Variants in TSPAN18 observed in about 807,000 individuals in gnomAD.
The protein encoded by TSPAN18 is tetraspanin-18.
Under a neutral mutation model 27.3 loss-of-function variants are expected in TSPAN18, and 14 were observed. That is an observed-to-expected ratio of 0.51 (90% confidence interval 0.34 to 0.80). TSPAN18 has a LOEUF of 0.80. Ranked by LOEUF, TSPAN18 falls within the 30% of genes least tolerant of loss-of-function variation. The pLI, the probability that TSPAN18 is intolerant of heterozygous loss-of-function variation, is 0.01. For missense variants in TSPAN18, 268 were observed against 323.9 expected, an observed-to-expected ratio of 0.83 and a Z score of 1.32; for synonymous variants, 143 against 136.5, an observed-to-expected ratio of 1.05 and a Z score of -0.33.
chr11:44,887,265 G>C (rs919336247), intron 3 of TSPAN18, among the ~76,000 whole-genome samples: 1 of 152,176 alleles, frequency 6.6e-6, no homozygotes, highest in Non-Finnish European at 1.5e-5. Context: ...CTGTAAGATG[G>C]GGGTGGCAAT....
rs140760751 is a variant in TSPAN18, at chr11:44,776,211, G to A, written c.-153+11699G>A. On this transcript the variant is annotated intron_variant, in intron 2 of 9. Coordinates refer to ENST00000520358, the MANE Select transcript of TSPAN18 (RefSeq NM_130783.5). ...TCTATCTGCCCAGCCACCCTGGGCC[G>A]GGACTCAGGAAAGGAACTAGTAAGA... 2.7e-3 allele frequency among the ~76,000 whole-genome samples: 413 copies of A among 152,268 alleles called. 2 individuals carry two copies. The highest frequency in any genetic ancestry group is 7.6e-3 in the African/African-American group (315 of 41,536).
At chr11:44,735,926 C>T (rs1271231060) in intron 1 of TSPAN18, among the ~76,000 whole-genome samples, 1 of 152,128 alleles carries the variant, frequency 6.6e-6, no homozygotes, top group African/African-American at 2.4e-5. Context: ...CCATGACCTC[C>T]TCTTAACCTG....
At chr11:44,885,426 C>T (rs1396599417) in intron 3 of TSPAN18, among the ~76,000 whole-genome samples, 1 of 152,130 alleles carries the variant, frequency 6.6e-6, no homozygotes, top group Non-Finnish European at 1.5e-5. Flanking sequence ...CCCTGGGCTT[C>T]CTGGTGGGAT....
intron 3 of TSPAN18, among the ~76,000 whole-genome samples, chr11:44,900,735 C>T (rs1859233292): frequency 1.6e-5 from 2 of 123,216 alleles, no homozygotes. Context: ...ACTCTTGTTG[C>T]CCAGGCTGAG....
chr11:44,853,772 G>A (rs1857660591), intron 2 of TSPAN18, among the ~76,000 whole-genome samples: 1 of 152,164 alleles, frequency 6.6e-6, no homozygotes, highest in South Asian at 2.1e-4. Flanking sequence ...AGCACTGAGA[G>A]GAGAGGACCA....
intron 2 of TSPAN18, among the ~76,000 whole-genome samples, chr11:44,851,769 C>T (rs920524586): frequency 3.3e-5 from 5 of 152,162 alleles, no homozygotes; most frequent in Admixed American, 1.3e-4. Context: ...GAGCACCTTT[C>T]TTCCTCATCT....
intron 2 of TSPAN18, among the ~76,000 whole-genome samples, chr11:44,810,825 T>A (rs942798058): frequency 1.3e-5 from 2 of 151,950 alleles, no homozygotes; most frequent in African/African-American, 4.8e-5. Context: ...CCCAGGCTAG[T>A]CTCGAACTCC....
chr11:44,734,042 A>G (rs533040471), intron 1 of TSPAN18, among the ~76,000 whole-genome samples: 1 of 152,166 alleles, frequency 6.6e-6, no homozygotes, highest in East Asian at 1.9e-4. Flanking sequence ...GTCAGTTCCC[A>G]GGAGAGCTGA....
chr11:44,727,662 G>A (rs1854548948), intron 1 of TSPAN18, among the ~76,000 whole-genome samples: 1 of 152,160 alleles, frequency 6.6e-6, no homozygotes, highest in Admixed American at 6.5e-5. Context: ...CCCGGAAAGG[G>A]GCTGCTCGCC....
At chr11:44,758,235 T>C (rs189241508) in intron 1 of TSPAN18, among the ~76,000 whole-genome samples, 205 of 152,350 alleles carry the variant, frequency 1.3e-3, no homozygotes, top group African/African-American at 4.7e-3. Context: ...TTTTCTTATA[T>C]TTTTAGTTGA....
chr11:44,882,288 G>T (rs574936316), intron 3 of TSPAN18, among the ~76,000 whole-genome samples: 1 of 152,240 alleles, frequency 6.6e-6, no homozygotes, highest in South Asian at 2.1e-4. Context: ...GGCAGCTGGG[G>T]GGAAATGAAA....
rs1167082192 is a variant in TSPAN18 at position 44,801,736 on chromosome 11, A to AT, written c.-153+37225dup. Among the ~76,000 whole-genome samples, 22 of 152,344 alleles carry AT rather than the reference A, an allele frequency of 1.4e-4. No homozygotes were observed. The East Asian group carries it at 3.5e-3, about 24-fold the overall frequency. On this transcript the variant is annotated intron_variant, in intron 2 of 9. Transcript: ENST00000520358. ...TCTCTTCACCTGTAGAATGGTGGCA[A>AT]TAATAGTTCTAGCTGCCGGCTTTAG...
intron 3 of TSPAN18, among the ~76,000 whole-genome samples, chr11:44,861,390 G>T (rs1435712107): frequency 1.3e-5 from 2 of 149,204 alleles, no homozygotes; most frequent in South Asian, 2.2e-4. Flanking sequence ...TCGGTGCGGG[G>T]GTTGGTGGGG....
chr11:44,773,953 G>T (rs1266962891), intron 2 of TSPAN18, among the ~76,000 whole-genome samples: 2 of 152,178 alleles, frequency 1.3e-5, no homozygotes, highest in African/African-American at 2.4e-5. Context: ...AGCCTGCGAG[G>T]CTGCCTCCCT....
chr11:44,885,356 T>C (rs1044958117), intron 3 of TSPAN18, among the ~76,000 whole-genome samples: 8 of 152,152 alleles, frequency 5.3e-5, no homozygotes, highest in South Asian at 4.2e-4. Context: ...TATTTTTTTT[T>C]CCCCCAAAGA....
chr11:44,903,208 A>G (rs1169879978), intron 3 of TSPAN18: 3 of 358,542 alleles, frequency 8.4e-6, no homozygotes, highest in African/African-American at 4.3e-5. Context: ...GGAGGGGGGA[A>G]TCAGGGAAGG....
At chr11:44,882,627 C>CACACACACAGAGAG (rs375349718) in intron 3 of TSPAN18, among the ~76,000 whole-genome samples, 66 of 130,686 alleles carry the variant, frequency 5.1e-4, no homozygotes, top group South Asian at 1.6e-3. Flanking sequence ...CACACACACA[C>CACACACACAGAGAG]AGAGAGAGAG....
intron 2 of TSPAN18, among the ~76,000 whole-genome samples, chr11:44,771,138 A>C (rs1855681403): frequency 6.6e-6 from 1 of 152,154 alleles, no homozygotes; most frequent in Non-Finnish European, 1.5e-5. Flanking sequence ...TGAAGATGCA[A>C]AAGATGACAG....
intron 3 of TSPAN18, among the ~76,000 whole-genome samples, chr11:44,875,128 C>A (rs976647165): frequency 4.6e-5 from 7 of 152,218 alleles, no homozygotes; most frequent in Non-Finnish European, 1.0e-4. Context: ...CCCGTGGGGC[C>A]CTCCCAGCCC....
Sources: gnomAD v4.1 joint callset for allele counts (sites outside exome capture counted in the v4.1 genomes callset) on GRCh38, gnomAD v4.1.1 for gene constraint, MANE v1.5 for transcripts, NCBI Gene and HGNC (gene_info 2026-07-23, HGNC 2026-07-21) for gene names.